COBLL1: variants seen among roughly 807,000 people sequenced by gnomAD.
COBLL1 encodes cordon-bleu protein-like 1.
Under a neutral mutation model 94.8 loss-of-function variants are expected in COBLL1, and 50 were observed. The observed-to-expected ratio is 0.53, with a 90% CI of 0.42 to 0.67. The LOEUF (loss-of-function observed/expected upper bound fraction) is 0.67. Ranked by LOEUF, COBLL1 falls within the 30% of genes least tolerant of loss-of-function variation. COBLL1 has a pLI of 0.00. For synonymous variants in COBLL1, 448 were observed against 473.8 expected (o/e 0.95, Z 0.71); for missense variants, 1,362 against 1,348.7 (o/e 1.01, Z -0.15).
rs1375866536 is a variant in COBLL1 at position 164,685,568 on chromosome 2, C to G, written c.*378G>C. 6.4e-6 allele frequency: 1 copy of G among 156,264 alleles called. No homozygotes were observed. The highest frequency in any genetic ancestry group is 1.4e-5 in the Non-Finnish European group (1 of 70,782). 9.7% of individuals were successfully genotyped at this position (156,264 alleles called of 1,614,324 possible). A position where few individuals can be genotyped will look rare whatever the true frequency, so the allele number is the denominator to read the frequency against. On this transcript the variant is annotated 3_prime_UTR_variant, in exon 14 of 14. Transcript: ENST00000652658. ...AGCAAATGTCATATCTATGTTTGTC[C>G]TAGTTGTATGTCATACAAATATAAA...
At chr2:164,830,814 A>G (rs1426183421) in intron 2 of COBLL1, among the ~76,000 whole-genome samples, 1 of 152,202 alleles carries the variant, frequency 6.6e-6, no homozygotes, top group Non-Finnish European at 1.5e-5. Flanking sequence ...TAGATATAAA[A>G]TTCATCCCAA....
intron 2 of COBLL1, among the ~76,000 whole-genome samples, chr2:164,662,029 A>T (rs767808197): frequency 6.6e-6 from 1 of 152,214 alleles, no homozygotes; most frequent in Non-Finnish European, 1.5e-5. Flanking sequence ...AAAGGAACTT[A>T]AGGCAGGTTA....
chr2:164,721,356 T>C, intron 7 of COBLL1, among the ~76,000 whole-genome samples: 1 of 152,180 alleles, frequency 6.6e-6, no homozygotes, highest in East Asian at 1.9e-4. Flanking sequence ...AATTCATTTA[T>C]TTTTCACATG....
rs529683080 is a variant in COBLL1 at position 164,770,457 on chromosome 2, C to T, written c.42-26582G>A. Among the ~76,000 whole-genome samples, 12 of 152,188 alleles carry T rather than the reference C, an allele frequency of 7.9e-5. No homozygotes were observed. The South Asian group carries it at 1.0e-3, about 13-fold the overall frequency. ...CTAATTCATTATAATCATGCCTTCA[C>T]GAGCTGTAAAACTATATTAAATCTT... On this transcript the variant is annotated intron_variant, in intron 2 of 13. Coordinates refer to ENST00000652658, the MANE Select transcript of COBLL1 (RefSeq NM_001365672.2).
At position 164,760,316 on chromosome 2, in the gene COBLL1, C is replaced by T. The variant is rs554025607; in HGVS notation, c.42-16441G>A. On this transcript the variant is annotated intron_variant, in intron 2 of 13. Transcript: ENST00000652658. ...TCAAGGAGTTACATACTGTATGGTT[C>T]TGCTTACGTAAGAGTCTCAAAGGGA... Among the ~76,000 whole-genome samples, 12 of 152,236 alleles carry T rather than the reference C, an allele frequency of 7.9e-5. No individual in the cohort carries two copies. The South Asian group carries it at 2.1e-3, about 26-fold the overall frequency.
Position 164,695,267 on chromosome 2 carries a change from G to T in COBLL1, c.2125C>A (p.Gln709Lys). 1 of 1,613,852 alleles carries T rather than the reference G, an allele frequency of 6.2e-7. No homozygotes were observed. The highest frequency in any genetic ancestry group is 8.5e-7 in the Non-Finnish European group (1 of 1,179,914). Residue 709 changes from glutamine to lysine, a missense_variant, in exon 12 of 14, where the codon CAG (glutamine) becomes AAG (lysine). Physicochemically the swap from Gln to Lys is moderately conservative, Grantham distance 53 (BLOSUM62 1). Coordinates refer to ENST00000652658, the MANE Select transcript of COBLL1 (RefSeq NM_001365672.2). ...SYLKNYPLYR[Q>K]DYNPKPKPSN... ...GGTTTTGGCTTGGGATTGTAGTCCT[G>T]TCTATAAAGTGGGTAATTCTTTAGG...
intron 2 of COBLL1, among the ~76,000 whole-genome samples, chr2:164,799,802 C>T (rs1436445608): frequency 6.6e-6 from 1 of 152,084 alleles, no homozygotes; most frequent in Non-Finnish European, 1.5e-5. Flanking sequence ...CAAACATGAA[C>T]AACTTGTTTT....
chr2:164,668,813 T>A (rs1048237255), intron 1 of COBLL1, among the ~76,000 whole-genome samples: 2 of 152,254 alleles, frequency 1.3e-5, no homozygotes, highest in African/African-American at 4.8e-5. Context: ...GAACCATCAG[T>A]TTGCTCCTTG....
chr2:164,756,011 A>T (rs1418679469), intron 2 of COBLL1, among the ~76,000 whole-genome samples: 1 of 149,616 alleles, frequency 6.7e-6, no homozygotes, highest in Non-Finnish European at 1.5e-5. Context: ...CACACATACA[A>T]ATGTGTGAGT....
intron 2 of COBLL1, among the ~76,000 whole-genome samples, chr2:164,756,176 A>T (rs1448820691): frequency 6.6e-6 from 1 of 152,148 alleles, no homozygotes; most frequent in African/African-American, 2.4e-5. Flanking sequence ...CTAGAGGTCT[A>T]TTCCAAATTC....
chr2:164,704,498 C>T lies in COBLL1; in HGVS notation c.1171G>A (p.Val391Ile), dbSNP rs1187116320. 1.9e-6 allele frequency: 3 copies of T among 1,613,432 alleles called. No individual in the cohort carries two copies. The highest frequency in any genetic ancestry group is 2.5e-6 in the Non-Finnish European group (3 of 1,179,384). The change falls in exon 9 of 14, where the codon GTT (valine) becomes ATT (isoleucine). Residue 391 changes from valine to isoleucine, a missense_variant. Val to Ile is a conservative substitution (Grantham distance 29). Coordinates refer to ENST00000652658, the MANE Select transcript of COBLL1 (RefSeq NM_001365672.2). ...GCTTCTGAAGCACTGTCTGGAGGAA[C>T]TCCATCTACTGGCTGTAAGGCTAAA... Reference protein sequence around the residue: ...RVTALQPVDGVPPDSASEANS... With the variant: ...RVTALQPVDGIPPDSASEANS...
chr2:164,699,369 G>C (rs1376531992), intron 11 of COBLL1, 36 bp downstream of exon 11: 6 of 1,316,098 alleles, frequency 4.6e-6, no homozygotes, highest in South Asian at 3.5e-5. Flanking sequence ...CATAATAAAA[G>C]TAAGAAAGTG....
chr2:164,700,444 A>T, intron 10 of COBLL1, 78 bp downstream of exon 10: 3 of 869,688 alleles, frequency 3.4e-6, no homozygotes, highest in Non-Finnish European at 5.4e-6. Flanking sequence ...TTATGTTTAA[A>T]ATATCAGATC....
chr2:164,679,536 C>T (rs1383648736), downstream of COBLL1, among the ~76,000 whole-genome samples: 1 of 151,874 alleles, frequency 6.6e-6, no homozygotes, highest in Non-Finnish European at 1.5e-5. Flanking sequence ...TGTCTTCAAC[C>T]CCAGCACCAC....
chr2:164,713,576 A>G (rs1168892048), intron 7 of COBLL1, among the ~76,000 whole-genome samples: 1 of 152,178 alleles, frequency 6.6e-6, no homozygotes, highest in Admixed American at 6.6e-5. Context: ...CAAGCTTGCC[A>G]CTAGATTTCT....
intron 13 of COBLL1, among the ~76,000 whole-genome samples, chr2:164,688,162 C>T (rs1180102774): frequency 1.3e-5 from 2 of 152,116 alleles, no homozygotes; most frequent in African/African-American, 4.8e-5. Flanking sequence ...CATTTACATA[C>T]TACAGAAGTG....
rs1688500238 is a variant in COBLL1 at position 164,777,105 on chromosome 2, T to C, written c.42-33230A>G. On this transcript the variant is annotated intron_variant, in intron 2 of 13. Coordinates refer to ENST00000652658, the MANE Select transcript of COBLL1 (RefSeq NM_001365672.2). ...TGGATTTCAAGAGTTTGTCCACTAA[T>C]GTCTTTTATATGTTCCATGATCTAA... is the stretch of plus-strand genomic sequence containing the variant. 2.0e-5 allele frequency among the ~76,000 whole-genome samples: 3 copies of C among 152,320 alleles called. 1 individual carries two copies. In the South Asian group the frequency reaches 6.2e-4, roughly 32 times the overall value.
intron 2 of COBLL1, among the ~76,000 whole-genome samples, chr2:164,840,150 C>T (rs964395628): frequency 3.9e-5 from 6 of 152,198 alleles, no homozygotes; most frequent in African/African-American, 1.4e-4. Flanking sequence ...ATCAGGAAAA[C>T]TGTACAAGTC....
At chr2:164,748,477 A>G (rs772773656) in intron 2 of COBLL1, among the ~76,000 whole-genome samples, 8 of 152,196 alleles carry the variant, frequency 5.3e-5, no homozygotes, top group Non-Finnish European at 7.4e-5. Context: ...AACTAAAGAG[A>G]AAAATGTAAC....
Sources: gnomAD v4.1 joint callset for allele counts (sites outside exome capture counted in the v4.1 genomes callset) on GRCh38, gnomAD v4.1.1 for gene constraint, MANE v1.5 for transcripts, NCBI Gene and HGNC (gene_info 2026-07-23, HGNC 2026-07-21) for gene names.